The following HIP1 variants were observed in gnomAD, a reference collection of about 807,000 sequenced individuals.
HIP1 encodes huntingtin interacting protein 1, also known as huntingtin-interacting protein 1.
A neutral mutation model predicts 147.6 loss-of-function variants in HIP1; 65 were observed. The observed-to-expected ratio is 0.44, with a 90% CI of 0.36 to 0.54. HIP1 has a LOEUF of 0.54. HIP1 is among the 20% of genes least tolerant of loss of function. HIP1 has a pLI of 0.00. For missense variants in HIP1, 1,061 were observed against 1,299.6 expected (o/e 0.82, Z 2.82); for synonymous variants, 479 against 504.0 (o/e 0.95, Z 0.67).
At chr7:75,699,516 A>C (rs1273174004) in intron 1 of HIP1, among the ~76,000 whole-genome samples, 7 of 152,322 alleles carry the variant, frequency 4.6e-5, no homozygotes, top group Admixed American at 4.6e-4. Flanking sequence ...TCTGTGGGGA[A>C]GGAAAGAGTG....
At chr7:75,681,959 C>T (rs55698956) in intron 1 of HIP1, among the ~76,000 whole-genome samples, 10,612 of 150,534 alleles carry the variant, frequency 0.07, 622 homozygotes, top group Admixed American at 0.19. Flanking sequence ...GGTCAATAAA[C>T]GTCCATTAAA....
At chr7:75,555,954 G>A (rs1442510977) in intron 18 of HIP1, 72 bp downstream of exon 18, 1 of 1,572,576 alleles carries the variant, frequency 6.4e-7, no homozygotes, top group Non-Finnish European at 8.7e-7. Flanking sequence ...GGTCCTCCCA[G>A]CCTCCGTGCA....
chr7:75,630,436 G>A (rs1294269461), intron 1 of HIP1, among the ~76,000 whole-genome samples: 7 of 147,236 alleles, frequency 4.8e-5, no homozygotes, highest in Non-Finnish European at 1.0e-4. Flanking sequence ...CTCCAGCATG[G>A]AGGATAGACC....
intron 1 of HIP1, among the ~76,000 whole-genome samples, chr7:75,620,859 G>A (rs1408685505): frequency 6.6e-6 from 1 of 152,054 alleles, no homozygotes; most frequent in Non-Finnish European, 1.5e-5. Flanking sequence ...TAGGGCTGGA[G>A]TGTTCTAGGC....
At chr7:75,685,841 G>T (rs1303362831) in intron 1 of HIP1, among the ~76,000 whole-genome samples, 1 of 149,532 alleles carries the variant, frequency 6.7e-6, no homozygotes, top group East Asian at 2.0e-4. Flanking sequence ...GAGCCACTGC[G>T]CCCGGCCTGT....
intron 13 of HIP1, 68 bp downstream of exon 13, chr7:75,561,261 T>A: frequency 8.7e-7 from 1 of 1,151,506 alleles, no homozygotes; most frequent in South Asian, 1.2e-5. Context: ...GCTAGTGTGA[T>A]GCAAATTTAA....
At chr7:75,565,719 C>T (rs587713626) in intron 9 of HIP1, among the ~76,000 whole-genome samples, 1 of 147,786 alleles carries the variant, frequency 6.8e-6, no homozygotes, top group Non-Finnish European at 1.5e-5. Flanking sequence ...CTGGTTTCGC[C>T]TCCCCTCCCC....
chr7:75,731,808 G>C (rs797032112), intron 1 of HIP1, among the ~76,000 whole-genome samples: 1 of 152,148 alleles, frequency 6.6e-6, no homozygotes, highest in Non-Finnish European at 1.5e-5. Context: ...TGCCAGGGGT[G>C]TGGGAACCCA....
intron 1 of HIP1, among the ~76,000 whole-genome samples, chr7:75,603,918 T>A (rs1554503425): frequency 6.6e-6 from 1 of 151,558 alleles, no homozygotes; most frequent in Non-Finnish European, 1.5e-5. Context: ...AAGTGAAAAG[T>A]TCATTCCCCT....
intron 1 of HIP1, among the ~76,000 whole-genome samples, chr7:75,638,079 C>T (rs147968996): frequency 6.7e-6 from 1 of 150,302 alleles, no homozygotes; most frequent in Admixed American, 6.6e-5. Context: ...TGCCTCCCCC[C>T]TCCCAAGACC....
intron 1 of HIP1, among the ~76,000 whole-genome samples, chr7:75,703,925 G>A (rs1263620062): frequency 1.3e-5 from 2 of 152,242 alleles, no homozygotes; most frequent in East Asian, 1.9e-4. Flanking sequence ...CAGAGCTGCC[G>A]ACCCGAAGCC....
Position 75,582,739 on chromosome 7 carries a change from G to A in HIP1, c.466-588C>T, listed in dbSNP as rs970835480. 5.9e-5 allele frequency among the ~76,000 whole-genome samples: 9 copies of A among 152,118 alleles called. No homozygotes were observed. In the East Asian group the frequency reaches 1.4e-3, roughly 23 times the overall value. On this transcript the variant is annotated intron_variant, in intron 5 of 30. Transcript: ENST00000336926. Reference sequence around the variant, plus strand: ...GCAGAATTGCTTGACGCTGGGAGGCGGAGGTTGCAGTGAGCTGAGATCGCA... The same window carrying A: ...GCAGAATTGCTTGACGCTGGGAGGCAGAGGTTGCAGTGAGCTGAGATCGCA...
intron 1 of HIP1, among the ~76,000 whole-genome samples, chr7:75,639,948 T>C (rs899680401): frequency 6.6e-6 from 1 of 152,164 alleles, no homozygotes; most frequent in South Asian, 2.1e-4. Flanking sequence ...CAGCCCTTCC[T>C]GGAGTGAGGG....
At position 75,562,056 on chromosome 7, in the gene HIP1, A is replaced by T; in HGVS notation, c.1118+17T>A. 1 of 1,505,620 alleles carries T rather than the reference A, an allele frequency of 6.6e-7. No homozygotes were observed. Among genetic ancestry groups the T allele is most frequent in the South Asian group, 1.1e-5 (1 of 88,792 alleles). The allele number at this position is 1,505,620 out of a possible 1,614,324, so 93.3% of individuals were successfully genotyped here. A position where few individuals can be genotyped will look rare whatever the true frequency, so the allele number is the denominator to read the frequency against. ...CTTAGCTCCTGAACCATCTGCTTGA[A>T]CCCAGCTTGGACTCACTTCTCATCC... On this transcript the variant is annotated intron_variant, in intron 12 of 30. Coordinates refer to ENST00000336926, the MANE Select transcript of HIP1 (RefSeq NM_005338.7).
chr7:75,574,936 G>A (rs1383362701), intron 7 of HIP1, among the ~76,000 whole-genome samples: 1 of 151,960 alleles, frequency 6.6e-6, no homozygotes, highest in African/African-American at 2.4e-5. Context: ...GAGGTGGGGG[G>A]ACTGCCTGAG....
intron 1 of HIP1, among the ~76,000 whole-genome samples, chr7:75,621,149 G>A (rs1039658201): frequency 6.6e-6 from 1 of 152,162 alleles, no homozygotes; most frequent in African/African-American, 2.4e-5. Flanking sequence ...TGAGGCTGCA[G>A]TGAGCTACGA....
chr7:75,628,902 A>C (rs1798126770), intron 1 of HIP1, among the ~76,000 whole-genome samples: 1 of 152,164 alleles, frequency 6.6e-6, no homozygotes, highest in South Asian at 2.1e-4. Flanking sequence ...TCACATATAC[A>C]GGGCAAAAAA....
At chr7:75,630,446 C>T (rs587694028) in intron 1 of HIP1, among the ~76,000 whole-genome samples, 10 of 138,276 alleles carry the variant, frequency 7.2e-5, no homozygotes, top group African/African-American at 1.7e-4. Flanking sequence ...GAGGATAGAC[C>T]GAGATCCACC....
intron 30 of HIP1, among the ~76,000 whole-genome samples, chr7:75,538,805 A>T (rs1433691979): frequency 1.3e-5 from 2 of 151,656 alleles, no homozygotes; most frequent in African/African-American, 4.8e-5. Flanking sequence ...CGATCTCCTG[A>T]CCTCGTGATC....
Sources: gnomAD v4.1 joint callset for allele counts (sites outside exome capture counted in the v4.1 genomes callset) on GRCh38, gnomAD v4.1.1 for gene constraint, MANE v1.5 for transcripts, NCBI Gene and HGNC (gene_info 2026-07-23, HGNC 2026-07-21) for gene names.